HS6ST3: variants seen among roughly 807,000 people sequenced by gnomAD.
The protein encoded by HS6ST3 is heparan sulfate 6-O-sulfotransferase 3.
HS6ST3 carries 12 observed loss-of-function variants against 36.7 expected under a neutral mutation model. The observed-to-expected ratio is 0.33, with a 90% CI of 0.21 to 0.53. The LOEUF (loss-of-function observed/expected upper bound fraction) is 0.53, where lower values mean the gene tolerates loss of function less well. Ranked by LOEUF, HS6ST3 falls within the 20% of genes least tolerant of loss-of-function variation. The pLI, the probability that HS6ST3 is intolerant of heterozygous loss-of-function variation, is 0.95. For synonymous variants in HS6ST3, 240 were observed against 257.5 expected (o/e 0.93, Z 0.65); for missense variants, 584 against 640.9 (o/e 0.91, Z 0.96).
chr13:96,112,598 T>C lies in HS6ST3; in HGVS notation c.707+21029T>C, dbSNP rs1470389627. Among the ~76,000 whole-genome samples the C allele has an allele frequency of 3.1e-3, 350 of 112,188 alleles. 27 individuals are homozygous for C. Among genetic ancestry groups the C allele is most frequent in the East Asian group, 5.8e-3 (20 of 3,452 alleles). 73.6% of individuals were successfully genotyped at this position (112,188 alleles called of 152,430 possible). On this transcript the variant is annotated intron_variant, in intron 1 of 1. Coordinates refer to ENST00000376705, the MANE Select transcript of HS6ST3 (RefSeq NM_153456.4). ...AAATAAATATATATATATATATATA[T>C]ATATATATATATATATATATATATG... is the stretch of plus-strand genomic sequence containing the variant.
intron 1 of HS6ST3, among the ~76,000 whole-genome samples, chr13:96,752,220 G>A (rs1876718723): frequency 6.6e-6 from 1 of 151,918 alleles, no homozygotes; most frequent in East Asian, 1.9e-4. Context: ...ATTTGTCCCT[G>A]TGCTACATTC....
chr13:96,717,722 G>C (rs1875737629), intron 1 of HS6ST3, among the ~76,000 whole-genome samples: 1 of 152,104 alleles, frequency 6.6e-6, no homozygotes, highest in Non-Finnish European at 1.5e-5. Context: ...AAATGAGACA[G>C]ACCTCTCCTG....
At chr13:96,168,525 G>A (rs1199824178) in intron 1 of HS6ST3, among the ~76,000 whole-genome samples, 1 of 151,726 alleles carries the variant, frequency 6.6e-6, no homozygotes, top group Non-Finnish European at 1.5e-5. Flanking sequence ...GGGCAACATA[G>A]GGAGACCTCG....
chr13:96,824,884 A>G (rs1255969960), intron 1 of HS6ST3, among the ~76,000 whole-genome samples: 8 of 152,190 alleles, frequency 5.3e-5, no homozygotes, highest in Non-Finnish European at 1.0e-4. Flanking sequence ...CATGATGTAT[A>G]AGGTCATGCA....
rs377676982 is a variant in HS6ST3, at chr13:96,785,132, G to A, written c.708-47358G>A. 2.8e-3 allele frequency among the ~76,000 whole-genome samples: 428 copies of A among 152,084 alleles called. 2 individuals carry two copies. The highest frequency in any genetic ancestry group is 9.4e-3 in the African/African-American group (392 of 41,488). ...TGTAGTGAACTGAGATCACGCCACT[G>A]CACTCCAGCCTGGGCGACAGAGTGA... On this transcript the variant is annotated intron_variant, in intron 1 of 1. Transcript: ENST00000376705.
At chr13:96,538,438 A>T (rs568539221) in intron 1 of HS6ST3, among the ~76,000 whole-genome samples, 10 of 152,170 alleles carry the variant, frequency 6.6e-5, no homozygotes, top group African/African-American at 2.4e-4. Flanking sequence ...ATTTGAGCAC[A>T]TGAAAATTTA....
intron 1 of HS6ST3, among the ~76,000 whole-genome samples, chr13:96,647,580 T>G (rs2056593286): frequency 6.6e-6 from 1 of 152,054 alleles, no homozygotes; most frequent in Non-Finnish European, 1.5e-5. Flanking sequence ...GAAACCACAT[T>G]GACCATTCTG....
At chr13:96,654,612 C>A (rs943058846) in intron 1 of HS6ST3, among the ~76,000 whole-genome samples, 8 of 152,088 alleles carry the variant, frequency 5.3e-5, no homozygotes, top group African/African-American at 1.9e-4. Context: ...GTTACTGCAG[C>A]CTTGTAGTAC....
chr13:96,806,324 C>T (rs969086144), intron 1 of HS6ST3, among the ~76,000 whole-genome samples: 2 of 152,132 alleles, frequency 1.3e-5, no homozygotes, highest in Non-Finnish European at 2.9e-5. Flanking sequence ...GGGCATGTGC[C>T]AGGTATTAAA....
intron 1 of HS6ST3, among the ~76,000 whole-genome samples, chr13:96,693,962 C>T (rs1875049953): frequency 6.6e-6 from 1 of 152,222 alleles, no homozygotes; most frequent in Admixed American, 6.5e-5. Context: ...GCAGTCATTT[C>T]CTTCTTATAT....
Position 96,091,049 on chromosome 13 carries a change from G to A in HS6ST3, c.187G>A (p.Glu63Lys). 1 of 1,256,698 alleles carries A rather than the reference G, an allele frequency of 8.0e-7. No individual in the cohort carries two copies. The highest frequency in any genetic ancestry group is 1.0e-6 in the Non-Finnish European group (1 of 1,002,360). The allele number at this position is 1,256,698 out of a possible 1,614,324, so 77.8% of individuals were successfully genotyped here. The part of the protein sequence containing the change: ...GPARRAQAPP[E>K]EWERRPQLPP... ...CGCCCGCCGGGCTCAGGCGCCGCCG[G>A]AGGAGTGGGAGCGGCGGCCCCAGTT... The change falls in exon 1 of 2, where the codon GAG becomes AAG. Residue 63 changes from glutamate to lysine, a missense_variant. Glu to Lys is a moderately conservative substitution (Grantham distance 56). Transcript: ENST00000376705.
At chr13:96,506,468 G>C (rs1347694739) in intron 1 of HS6ST3, among the ~76,000 whole-genome samples, 1 of 152,146 alleles carries the variant, frequency 6.6e-6, no homozygotes, top group Non-Finnish European at 1.5e-5. Context: ...TCCCATGAAG[G>C]CTGCCTCTGC....
At chr13:96,315,551 A>G (rs1347243370) in intron 1 of HS6ST3, among the ~76,000 whole-genome samples, 4 of 152,092 alleles carry the variant, frequency 2.6e-5, no homozygotes, top group Non-Finnish European at 4.4e-5. Context: ...TTTTTCCTAT[A>G]TAGAATGTTC....
chr13:96,184,221 A>AGGG (rs34964862), intron 1 of HS6ST3, among the ~76,000 whole-genome samples: 1 of 61,004 alleles, frequency 1.6e-5, no homozygotes, highest in Non-Finnish European at 2.9e-5. Flanking sequence ...AAAAAAAAAA[A>AGGG]AGAGAGAGAG....
intron 1 of HS6ST3, among the ~76,000 whole-genome samples, chr13:96,298,376 T>C (rs1191598633): frequency 6.6e-6 from 1 of 152,126 alleles, no homozygotes; most frequent in Non-Finnish European, 1.5e-5. Context: ...AATTGAAAGA[T>C]GGGAAAAGTA....
intron 1 of HS6ST3, among the ~76,000 whole-genome samples, chr13:96,260,504 G>T (rs1049741506): frequency 6.6e-6 from 1 of 151,440 alleles, no homozygotes; most frequent in Non-Finnish European, 1.5e-5. Context: ...TACTAGAGAC[G>T]GGGTTTCACC....
chr13:96,431,824 T>A (rs2055617113), intron 1 of HS6ST3, among the ~76,000 whole-genome samples: 2 of 152,210 alleles, frequency 1.3e-5, no homozygotes, highest in Admixed American at 1.3e-4. Flanking sequence ...GGCAACTTAG[T>A]TCCTCAAAGC....
chr13:96,104,077 G>A (rs574293590), intron 1 of HS6ST3, among the ~76,000 whole-genome samples: 3 of 151,652 alleles, frequency 2.0e-5, no homozygotes, highest in East Asian at 3.9e-4. Flanking sequence ...AGGTTAATAT[G>A]TCCTGAAAGT....
chr13:96,338,137 T>C (rs1258642051), intron 1 of HS6ST3, among the ~76,000 whole-genome samples: 1 of 152,156 alleles, frequency 6.6e-6, no homozygotes, highest in African/African-American at 2.4e-5. Flanking sequence ...TTTGACTACT[T>C]TGGTCCTCAG....
Sources: allele counts gnomAD v4.1 joint callset (sites outside exome capture counted in the v4.1 genomes callset), GRCh38; gene constraint gnomAD v4.1.1; transcripts MANE v1.5; gene names NCBI Gene and HGNC (gene_info 2026-07-23, HGNC 2026-07-21).